ADK: variants seen among roughly 807,000 people sequenced by gnomAD.
ADK encodes adenosine kinase.
Under a neutral mutation model 44.7 loss-of-function variants are expected in ADK, and 24 were observed. That is an observed-to-expected ratio of 0.54 (90% CI 0.39 to 0.76). ADK has a LOEUF of 0.76. ADK is among the 30% of genes least tolerant of loss of function. The probability of loss-of-function intolerance (pLI) is 0.00; values close to 1 mark genes in which losing one functional copy is unlikely to be tolerated. For missense variants in ADK, 321 were observed against 425.1 expected (o/e 0.76, Z 2.15); for synonymous variants, 128 against 142.6 (o/e 0.90, Z 0.73).
rs905618344 is a variant in ADK, at chr10:74,514,099, A to C, written c.556-11157A>C. Among the ~76,000 whole-genome samples the C allele has an allele frequency of 3.3e-5, 5 of 151,982 alleles. No homozygotes were observed. In the East Asian group the frequency reaches 5.8e-4, roughly 18 times the overall value. On this transcript the variant is annotated intron_variant, in intron 6 of 10. Coordinates refer to ENST00000539909, the MANE Select transcript of ADK (RefSeq NM_006721.4). ...TGCTGGGCGTATTCTTGGGCTAATA[A>C]TTTTTTTCTTCTAGTACTTTGACTA...
intron 1 of ADK, among the ~76,000 whole-genome samples, chr10:74,162,294 C>T (rs1196903570): frequency 2.0e-5 from 3 of 152,166 alleles, no homozygotes; most frequent in African/African-American, 7.2e-5. Flanking sequence ...GCTGGGATTA[C>T]AGGCGTGAGC....
In ADK at chr10:74,347,366, G is replaced by A. The variant is rs567731905; in HGVS notation, c.273+32621G>A. Among the ~76,000 whole-genome samples, 8 of 152,166 alleles carry A rather than the reference G, an allele frequency of 5.3e-5. No homozygotes were observed. In the East Asian group the frequency reaches 1.4e-3, roughly 26 times the overall value. ...CCTTCCCCCAGCCAAGGGAAGCCAT[G>A]AGGGACTGTGCTATCTGGCCCAGAT... is the stretch of plus-strand genomic sequence containing the variant. On this transcript the variant is annotated intron_variant, in intron 4 of 10. Transcript: ENST00000539909.
intron 1 of ADK, among the ~76,000 whole-genome samples, chr10:74,173,953 C>A (rs2132060952): frequency 6.6e-6 from 1 of 152,126 alleles, no homozygotes; most frequent in South Asian, 2.1e-4. Context: ...AAATTTTAAT[C>A]TTCACAGTGC....
intron 9 of ADK, among the ~76,000 whole-genome samples, chr10:74,621,455 C>A (rs910727273): frequency 2.2e-4 from 34 of 152,100 alleles, no homozygotes; most frequent in African/African-American, 8.0e-4. Context: ...CAATAACATG[C>A]TGTTTTGGTT....
chr10:74,610,312 A>G (rs1002840731), intron 9 of ADK, among the ~76,000 whole-genome samples: 2 of 152,218 alleles, frequency 1.3e-5, no homozygotes, highest in South Asian at 2.1e-4. Context: ...GAAATAAGCC[A>G]GTCACAATGG....
chr10:74,176,846 C>T (rs1323965838), intron 1 of ADK: 4 of 1,607,178 alleles, frequency 2.5e-6, no homozygotes, highest in Admixed American at 1.7e-5. Context: ...ACGCGGGCGC[C>T]GTGGCGCTGG....
At chr10:74,637,169 C>A (rs1372175902) in intron 9 of ADK, among the ~76,000 whole-genome samples, 2 of 151,962 alleles carry the variant, frequency 1.3e-5, no homozygotes, top group Non-Finnish European at 2.9e-5. Flanking sequence ...CCTAGGAGTT[C>A]TTTTTATATG....
At chr10:74,346,347 C>T (rs1841764199) in intron 4 of ADK, among the ~76,000 whole-genome samples, 1 of 152,074 alleles carries the variant, frequency 6.6e-6, no homozygotes, top group Admixed American at 6.5e-5. Context: ...GGGTTTTACA[C>T]TTATAGTACA....
At chr10:74,373,469 GAA>G (rs1842730726) in intron 4 of ADK, among the ~76,000 whole-genome samples, 1 of 152,046 alleles carries the variant, frequency 6.6e-6, no homozygotes, top group African/African-American at 2.4e-5. Context: ...CAATAATGAT[GAA>G]AAGACAAATA....
intron 4 of ADK, among the ~76,000 whole-genome samples, chr10:74,382,584 T>G (rs939089879): frequency 3.9e-5 from 6 of 152,166 alleles, no homozygotes; most frequent in African/African-American, 1.4e-4. Flanking sequence ...TTGGAGACCT[T>G]TGGAGATAAA....
chr10:74,203,228 C>T (rs1034003246), intron 2 of ADK, among the ~76,000 whole-genome samples: 3 of 152,182 alleles, frequency 2.0e-5, no homozygotes, highest in African/African-American at 7.2e-5. Flanking sequence ...ACTGAATGAT[C>T]TTGATACTCT....
intron 1 of ADK, among the ~76,000 whole-genome samples, chr10:74,173,800 G>A (rs112952038): frequency 2.6e-5 from 4 of 152,254 alleles, no homozygotes; most frequent in African/African-American, 9.6e-5. Context: ...GAGCAAAAGT[G>A]CATTTGATTG....
intron 6 of ADK, among the ~76,000 whole-genome samples, chr10:74,436,478 CAAAA>C (rs34848555): frequency 1.4e-5 from 2 of 140,502 alleles, no homozygotes. Flanking sequence ...TTACTGTCTC[CAAAA>C]AAAAAAAAAA....
intron 3 of ADK, among the ~76,000 whole-genome samples, chr10:74,271,425 A>G (rs1846424598): frequency 6.6e-6 from 1 of 151,682 alleles, no homozygotes; most frequent in Non-Finnish European, 1.5e-5. Context: ...TCTTATTATT[A>G]TTATACTTTA....
intron 9 of ADK, among the ~76,000 whole-genome samples, chr10:74,654,534 G>C (rs888097348): frequency 2.0e-5 from 3 of 152,238 alleles, no homozygotes; most frequent in African/African-American, 7.2e-5. Flanking sequence ...ATTCAGGCCA[G>C]GTGCAATGGC....
chr10:74,270,396 A>G (rs1242040844), intron 3 of ADK, among the ~76,000 whole-genome samples: 1 of 152,180 alleles, frequency 6.6e-6, no homozygotes, highest in Non-Finnish European at 1.5e-5. Context: ...CTTTTTGCAA[A>G]TCTCTTTAAT....
intron 6 of ADK, among the ~76,000 whole-genome samples, chr10:74,403,016 C>T (rs973295359): frequency 1.1e-4 from 17 of 152,168 alleles, no homozygotes; most frequent in Admixed American, 9.2e-4. Flanking sequence ...TGGAGGTCCA[C>T]TCCAGACCCT....
Position 74,335,506 on chromosome 10 carries a change from C to T in ADK, c.273+20761C>T, listed in dbSNP as rs1841375442. Reference sequence around the variant, plus strand: ...GTACTGCACCTTGTGTCTCTATCCACTCTAGAGGGATATTTGAATTGTTTC... The same window carrying T: ...GTACTGCACCTTGTGTCTCTATCCATTCTAGAGGGATATTTGAATTGTTTC... On this transcript the variant is annotated intron_variant, in intron 4 of 10. Coordinates refer to ENST00000539909, the MANE Select transcript of ADK (RefSeq NM_006721.4). 2.0e-5 allele frequency among the ~76,000 whole-genome samples: 3 copies of T among 152,186 alleles called. No homozygotes were observed. In the South Asian group the frequency reaches 6.2e-4, roughly 31 times the overall value.
intron 6 of ADK, among the ~76,000 whole-genome samples, chr10:74,514,492 T>G (rs1371863511): frequency 1.3e-5 from 2 of 152,098 alleles, no homozygotes; most frequent in Non-Finnish European, 1.5e-5. Context: ...TTTCAAAAGA[T>G]CATTCTTCAA....
Sources: gnomAD v4.1 joint callset for allele counts (sites outside exome capture counted in the v4.1 genomes callset) on GRCh38, gnomAD v4.1.1 for gene constraint, MANE v1.5 for transcripts, NCBI Gene and HGNC (gene_info 2026-07-23, HGNC 2026-07-21) for gene names.